CDCA7: variants seen among roughly 807,000 people sequenced by gnomAD.
The protein encoded by CDCA7 is cell division cycle associated 7.
Under a neutral mutation model 54.0 loss-of-function variants are expected in CDCA7, and 28 were observed. That is an observed-to-expected ratio of 0.52 (90% CI 0.38 to 0.71). The LOEUF is 0.71. CDCA7 is among the 30% of genes least tolerant of loss of function. CDCA7 has a pLI of 0.00. For synonymous variants in CDCA7, 180 were observed against 208.2 expected, an observed-to-expected ratio of 0.86 and a Z score of 1.16; for missense variants, 484 against 586.0, an observed-to-expected ratio of 0.83 and a Z score of 1.80.
intron 5 of CDCA7, chr2:173,364,346 T>C (rs1686678019): frequency 6.1e-6 from 1 of 165,120 alleles, no homozygotes; most frequent in Admixed American, 6.4e-5. Flanking sequence ...TGGTACAACT[T>C]AGGGAGATTT....
rs771431166 is a variant in CDCA7 at position 173,365,502 on chromosome 2, G to T, written c.945G>T (p.Pro315=). 4.3e-6 allele frequency: 7 copies of T among 1,614,020 alleles called. No homozygotes were observed. Among genetic ancestry groups the T allele is most frequent in the Admixed American group, 1.7e-5 (1 of 59,998 alleles). Residue 315 remains proline (P), a synonymous_variant, in exon 7 of 10, where the codon CCG becomes CCT. Coordinates refer to ENST00000306721, the MANE Select transcript of CDCA7 (RefSeq NM_031942.5). ...SRRSRSSVTL[P]HIIRPVEEIT... ...GCTCCAGATCATCCGTGACCCTTCC[G>T]CATATAATTCGCCCAGTGGAAGAAA...
At chr2:173,365,740 C>T (rs1574221269) in intron 7 of CDCA7, 148 bp downstream of exon 7, 1 of 872,390 alleles carries the variant, frequency 1.1e-6, no homozygotes, top group East Asian at 2.7e-5. Context: ...AAAAGTTTTA[C>T]AGTATCCCTG....
intron 9 of CDCA7, 136 bp from the exon 10 acceptor site, chr2:173,367,498 T>C: frequency 2.3e-6 from 3 of 1,285,352 alleles, no homozygotes; most frequent in East Asian, 2.3e-5. Flanking sequence ...TCAGGTAATA[T>C]ACTTGAAGAT....
chr2:173,359,620 T>G, intron 3 of CDCA7, 129 bp downstream of exon 3: 2 of 754,370 alleles, frequency 2.7e-6, no homozygotes, highest in Non-Finnish European at 4.3e-6. Flanking sequence ...TTTTAAAAAT[T>G]TTTAGTGTTT....
At chr2:173,362,048 G>A (rs925844209) in intron 3 of CDCA7, among the ~76,000 whole-genome samples, 3 of 152,226 alleles carry the variant, frequency 2.0e-5, no homozygotes, top group Non-Finnish European at 2.9e-5. Flanking sequence ...AACTCCTGAC[G>A]TCAGGTGATC....
intron 3 of CDCA7, among the ~76,000 whole-genome samples, chr2:173,362,562 G>A (rs1686640850): frequency 7.1e-6 from 1 of 141,722 alleles, no homozygotes; most frequent in Admixed American, 7.6e-5. Context: ...ATTTATAGGG[G>A]AACACATTTT....
intron 3 of CDCA7, among the ~76,000 whole-genome samples, chr2:173,362,921 A>T (rs1239490681): frequency 6.6e-6 from 1 of 152,138 alleles, no homozygotes; most frequent in African/African-American, 2.4e-5. Context: ...TAAAATACAT[A>T]AAGATCTGTT....
At chr2:173,362,474 A>G (rs186886358) in intron 3 of CDCA7, among the ~76,000 whole-genome samples, 4 of 152,108 alleles carry the variant, frequency 2.6e-5, no homozygotes, top group Admixed American at 2.6e-4. Context: ...TCTTATGTAT[A>G]TTATATTATA....
Position 173,366,448 on chromosome 2 carries a change from G to T in CDCA7, c.1185+16G>T, listed in dbSNP as rs1307090958. On this transcript the variant is annotated intron_variant, in intron 8 of 9. Transcript: ENST00000306721. The surrounding 1 kb of genome is among the most constrained non-coding windows in gnomAD (Gnocchi z 4.5). ...GCTGGATCCGGTAGGTGCCTGCCAGGGGTTGGTCCTGTGGGCTTGAAGGTC... is the reference window on the plus strand; with the variant it reads ...GCTGGATCCGGTAGGTGCCTGCCAGTGGTTGGTCCTGTGGGCTTGAAGGTC... 3 of 1,612,830 alleles carry T rather than the reference G, an allele frequency of 1.9e-6. No homozygotes were observed. Among genetic ancestry groups the T allele is most frequent in the Non-Finnish European group, 2.5e-6 (3 of 1,179,262 alleles).
intron 1 of CDCA7, 99 bp downstream of exon 1, chr2:173,355,083 C>T: frequency 2.5e-6 from 3 of 1,215,976 alleles, no homozygotes; most frequent in Non-Finnish European, 3.1e-6. Flanking sequence ...CTAGCGCTGC[C>T]TTAACTGGTG....
At chr2:173,362,659 C>A (rs1407661831) in intron 3 of CDCA7, among the ~76,000 whole-genome samples, 1 of 151,128 alleles carries the variant, frequency 6.6e-6, no homozygotes, top group East Asian at 1.9e-4. Context: ...CACTGAGCCT[C>A]TGCCCCCTGG....
chr2:173,366,837 C>T lies in CDCA7; in HGVS notation c.1186-313C>T, dbSNP rs1323110254. Among the ~76,000 whole-genome samples the T allele has an allele frequency of 1.3e-5, 2 of 152,184 alleles. No homozygotes were observed. The highest frequency in any genetic ancestry group is 1.9e-4 in the East Asian group (1 of 5,196). ...CTGGGATTACAGGTGTGAGCCACCA[C>T]GCCCGGCCCAGGGTGCTCTTAATTC... On this transcript the variant is annotated intron_variant, in intron 8 of 9. Transcript: ENST00000306721. The surrounding 1 kb of genome is among the most constrained non-coding windows in gnomAD (Gnocchi z 4.5).
chr2:173,363,999 G>A (rs1308093393), intron 5 of CDCA7, 104 bp downstream of exon 5: 13 of 1,078,970 alleles, frequency 1.2e-5, no homozygotes, highest in Non-Finnish European at 1.8e-5. Flanking sequence ...TGGCCTTCTA[G>A]ACAAACGAAG....
chr2:173,359,564 T>C, intron 3 of CDCA7, 73 bp downstream of exon 3: 1 of 1,362,102 alleles, frequency 7.3e-7, no homozygotes. Context: ...TAGAAATTTT[T>C]TTCTTGTGAT....
chr2:173,360,462 G>A lies in CDCA7; in HGVS notation c.384+971G>A, dbSNP rs912264686. On this transcript the variant is annotated intron_variant, in intron 3 of 9. Transcript: ENST00000306721. ...CTCTCTCAATCCATGGACACTAAAA[G>A]TACAAAAAGCTGTTTGTGGGCATGT... 4.6e-5 allele frequency among the ~76,000 whole-genome samples: 7 copies of A among 152,144 alleles called. No homozygotes were observed. In the East Asian group the frequency reaches 7.7e-4, roughly 17 times the overall value.
Position 173,363,646 on chromosome 2 carries a change from A to G in CDCA7, c.622-172A>G, listed in dbSNP as rs558074318. The stretch of plus-strand genomic sequence containing the variant: ...TCTTTCCCTGAACTACTTTTTTTAA[A>G]TCTGTTAAAGGCCTGGTTAAGTGTA... On this transcript the variant is annotated intron_variant, in intron 4 of 9. Coordinates refer to ENST00000306721, the MANE Select transcript of CDCA7 (RefSeq NM_031942.5). Among the ~76,000 whole-genome samples, 27 of 152,286 alleles carry G rather than the reference A, an allele frequency of 1.8e-4. No homozygotes were observed. Among genetic ancestry groups the G allele is most frequent in the African/African-American group, 6.5e-4 (27 of 41,564 alleles).
At chr2:173,358,199 CAA>C (rs369867435) in intron 1 of CDCA7, among the ~76,000 whole-genome samples, 21 of 107,240 alleles carry the variant, frequency 2.0e-4, no homozygotes, top group Middle Eastern at 4.4e-3. Context: ...GACTCCGTCT[CAA>C]AAAAAAAAAA....
At position 173,367,699 on chromosome 2, in the gene CDCA7, C is replaced by G. The variant is rs1686749725; in HGVS notation, c.*35C>G. On this transcript the variant is annotated 3_prime_UTR_variant, in exon 10 of 10. Transcript: ENST00000306721. ...AATTTGCTGCCTGCCTTCTACTTCT[C>G]AAATCTTTCTTGTAAAAGTTTCCAA... 1 of 1,611,200 alleles carries G rather than the reference C, an allele frequency of 6.2e-7. No individual in the cohort carries two copies. The highest frequency in any genetic ancestry group is 1.7e-5 in the Admixed American group (1 of 59,848).
At chr2:173,359,853 C>CCT (rs1686586999) in intron 3 of CDCA7, among the ~76,000 whole-genome samples, 1 of 152,140 alleles carries the variant, frequency 6.6e-6, no homozygotes, top group African/African-American at 2.4e-5. Flanking sequence ...ATAGAGCAGA[C>CCT]CTTTGATAAA....
Sources: gnomAD v4.1 joint callset for allele counts (sites outside exome capture counted in the v4.1 genomes callset) on GRCh38, gnomAD v4.1.1 for gene constraint, Gnocchi (gnomAD v3.1) non-coding constraint, MANE v1.5 for transcripts, NCBI Gene and HGNC (gene_info 2026-07-23, HGNC 2026-07-21) for gene names.